LRIT3: variants seen among roughly 807,000 people sequenced by gnomAD.
LRIT3 encodes the protein leucine-rich repeat, immunoglobulin-like domain and transmembrane domain-containing protein 3.
A neutral mutation model predicts 22.6 loss-of-function variants in LRIT3; 14 were observed. The observed-to-expected ratio is 0.62, with a 90% confidence interval of 0.41 to 0.97. The LOEUF (loss-of-function observed/expected upper bound fraction) is 0.97. Ranked by LOEUF, LRIT3 falls within the 50% of genes least tolerant of loss-of-function variation. The pLI is 0.00. For missense variants in LRIT3, 783 were observed against 803.0 expected (o/e 0.98, Z 0.30); for synonymous variants, 306 against 304.5 (o/e 1.01, Z -0.05).
chr4:109,861,370 A>G (rs545637109), intron 2 of LRIT3, among the ~76,000 whole-genome samples: 16 of 151,866 alleles, frequency 1.1e-4, no homozygotes, highest in Non-Finnish European at 1.0e-4. Context: ...GAATGGCTAT[A>G]TGTATAACTT....
At chr4:109,857,068 C>T (rs1033913226) in intron 2 of LRIT3, among the ~76,000 whole-genome samples, 3 of 152,078 alleles carry the variant, frequency 2.0e-5, no homozygotes, top group Admixed American at 1.3e-4. Flanking sequence ...TATTAAAATA[C>T]TATGATATTG....
rs1273620447 is a variant in LRIT3 at position 109,867,924 on chromosome 4, C to T, written c.873C>T (p.Asp291=). The change falls in exon 3 of 4, where the codon GAC becomes GAT. Residue 291 remains aspartate, a synonymous_variant. Coordinates refer to ENST00000594814, the MANE Select transcript of LRIT3 (RefSeq NM_198506.5). ...CACAGATCACATGGACCAGATCTGA[C>T]AGCTCGCCAGTTAATTATACAGGTA... The part of the protein sequence containing the change: ...PTPQITWTRS[D]SSPVNYTVIQ... 3.1e-6 allele frequency: 5 copies of T among 1,610,808 alleles called. No homozygotes were observed. Among genetic ancestry groups the T allele is most frequent in the Middle Eastern group, 1.9e-4 (1 of 5,286 alleles).
At chr4:109,857,523 C>G (rs1364171661) in intron 2 of LRIT3, among the ~76,000 whole-genome samples, 1 of 152,180 alleles carries the variant, frequency 6.6e-6, no homozygotes, top group Admixed American at 6.6e-5. Flanking sequence ...TGGTTAATCT[C>G]CATAATTCTG....
intron 2 of LRIT3, among the ~76,000 whole-genome samples, chr4:109,860,880 T>C (rs2125899468): frequency 6.6e-6 from 1 of 152,388 alleles, no homozygotes; most frequent in Non-Finnish European, 1.5e-5. Flanking sequence ...TAGTTCATTA[T>C]TGCAAAATTG....
intron 2 of LRIT3, 72 bp from the exon 3 acceptor site, chr4:109,867,569 T>TCGGTGG: frequency 8.4e-7 from 1 of 1,194,826 alleles, no homozygotes; most frequent in Non-Finnish European, 1.1e-6. Flanking sequence ...GATCCCTACT[T>TCGGTGG]TCTCAAGAGG....
intron 2 of LRIT3, among the ~76,000 whole-genome samples, chr4:109,857,876 A>G (rs1734440712): frequency 6.6e-6 from 1 of 152,194 alleles, no homozygotes; most frequent in South Asian, 2.1e-4. Context: ...TTATATTGGG[A>G]TGTGTGAATA....
intron 2 of LRIT3, chr4:109,865,195 G>A (rs1174972449): frequency 8.1e-6 from 12 of 1,484,218 alleles, no homozygotes; most frequent in African/African-American, 1.4e-5. Flanking sequence ...TGAGAAAACA[G>A]GCTCAGCAAG....
At position 109,870,194 on chromosome 4, in the gene LRIT3, A is replaced by G; in HGVS notation, c.1445A>G (p.Glu482Gly). 8 of 1,614,242 alleles carry G rather than the reference A, an allele frequency of 5.0e-6. No homozygotes were observed. Among genetic ancestry groups the G allele is most frequent in the Non-Finnish European group, 6.8e-6 (8 of 1,180,026 alleles). The change falls in exon 4 of 4, where the codon GAG becomes GGG. Residue 482 changes from glutamate to glycine, a missense_variant. Transcript: ENST00000594814. ...TTGTTGGATCAAACAATGCTTACGG[A>G]GACAAATGCCGCAATAGAAAACCTC... ...LALLDQTMLTETNAAIENLRV... is the reference protein window; with the variant it reads ...LALLDQTMLTGTNAAIENLRV...
rs1248336011 is a variant in LRIT3 at position 109,851,529 on chromosome 4, A to G, written c.142A>G (p.Met48Val). 17 of 1,547,670 alleles carry G rather than the reference A, an allele frequency of 1.1e-5. No individual in the cohort carries two copies. The highest frequency in any genetic ancestry group is 1.2e-5 in the Non-Finnish European group (14 of 1,144,490). The change falls in exon 2 of 4, where the codon ATG becomes GTG. Residue 48 changes from methionine (M) to valine (V), a missense_variant. Physicochemically the swap from Met to Val is conservative, Grantham distance 21. This residue lies in a region of LRIT3 where 756 missense variants were observed against 753.8 expected (regional missense o/e 1.00). Coordinates refer to ENST00000594814, the MANE Select transcript of LRIT3 (RefSeq NM_198506.5). ...SRLVLCNDMD[M>V]NELPTNLPVD... ...GTTGGTGCTATGTAATGACATGGATATGAACGAGCTGCCTACGAACCTCCC... is the reference window on the plus strand; with the variant it reads ...GTTGGTGCTATGTAATGACATGGATGTGAACGAGCTGCCTACGAACCTCCC...
At chr4:109,866,577 T>C (rs982036526) in intron 2 of LRIT3, among the ~76,000 whole-genome samples, 8 of 152,194 alleles carry the variant, frequency 5.3e-5, no homozygotes, top group African/African-American at 1.9e-4. Flanking sequence ...CTTTATATTT[T>C]ATTACCTAAA....
intron 1 of LRIT3, among the ~76,000 whole-genome samples, chr4:109,849,902 C>T (rs952184763): frequency 5.9e-5 from 9 of 152,172 alleles, no homozygotes; most frequent in Admixed American, 2.6e-4. Context: ...CGTGAGCCAC[C>T]GCACCCGGCC....
At chr4:109,860,392 C>A (rs1734507264) in intron 2 of LRIT3, among the ~76,000 whole-genome samples, 1 of 152,072 alleles carries the variant, frequency 6.6e-6, no homozygotes, top group Non-Finnish European at 1.5e-5. Flanking sequence ...TAGATGTGCC[C>A]CACCCTTTTT....
intron 2 of LRIT3, among the ~76,000 whole-genome samples, chr4:109,859,647 A>T (rs540466877): frequency 6.6e-6 from 1 of 152,326 alleles, no homozygotes; most frequent in East Asian, 1.9e-4. Context: ...GCATATGGAC[A>T]GGTGCACCTC....
At chr4:109,857,854 G>A (rs1302800887) in intron 2 of LRIT3, among the ~76,000 whole-genome samples, 1 of 152,140 alleles carries the variant, frequency 6.6e-6, no homozygotes, top group Non-Finnish European at 1.5e-5. Flanking sequence ...AGGACACACA[G>A]GTCCTAAAGG....
intron 2 of LRIT3, among the ~76,000 whole-genome samples, chr4:109,853,852 C>T (rs1734338280): frequency 6.6e-6 from 1 of 152,068 alleles, no homozygotes; most frequent in Admixed American, 6.5e-5. Flanking sequence ...GAATCCTTTC[C>T]CCATTGCTTG....
At chr4:109,855,752 T>C (rs1734386166) in intron 2 of LRIT3, among the ~76,000 whole-genome samples, 1 of 152,232 alleles carries the variant, frequency 6.6e-6, no homozygotes, top group Non-Finnish European at 1.5e-5. Flanking sequence ...TTTGTTCTCA[T>C]TGGTTTCAAA....
chr4:109,850,565 C>T lies in LRIT3; in HGVS notation c.117-939C>T, dbSNP rs1010300714. On this transcript the variant is annotated intron_variant, in intron 1 of 3. Coordinates refer to ENST00000594814, the MANE Select transcript of LRIT3 (RefSeq NM_198506.5). ...GATCTTGGCTGACTGCAACCTCTGC[C>T]TCCCAGGTTCAAGCGATTCTCCCAC... is the stretch of plus-strand genomic sequence containing the variant. 2.0e-5 allele frequency among the ~76,000 whole-genome samples: 3 copies of T among 150,918 alleles called. No individual in the cohort carries two copies. The East Asian group carries it at 5.8e-4, about 29-fold the overall frequency.
At chr4:109,850,963 A>C (rs1367096981) in intron 1 of LRIT3, among the ~76,000 whole-genome samples, 3 of 151,058 alleles carry the variant, frequency 2.0e-5, no homozygotes, top group African/African-American at 7.3e-5. Flanking sequence ...TTTTTTTTTC[A>C]CCTAAATAAA....
chr4:109,862,248 A>G (rs866491614), intron 2 of LRIT3, among the ~76,000 whole-genome samples: 5 of 152,248 alleles, frequency 3.3e-5, no homozygotes, highest in Non-Finnish European at 4.4e-5. Flanking sequence ...TAGAAAGGAT[A>G]AAGTTCACTT....
Sources: gnomAD v4.1 joint callset for allele counts (sites outside exome capture counted in the v4.1 genomes callset) on GRCh38, gnomAD v4.1.1 for gene constraint, gnomAD v4.1.1 regional missense constraint, MANE v1.5 for transcripts, NCBI Gene and HGNC (gene_info 2026-07-23, HGNC 2026-07-21) for gene names.